Variants in CFAP95 observed in about 807,000 individuals in gnomAD.
CFAP95 encodes cilia and flagella associated protein 95.
At chr9:69,837,061 CAT>C in the CFAP95 span, among the ~76,000 whole-genome samples, 1 of 151,112 alleles carries the variant, frequency 6.6e-6, no homozygotes, top group Non-Finnish European at 1.5e-5. Context: ...GACATGAACT[CAT>C]CATTTTTTAT....
At chr9:69,836,709 TTTTATTTATTTATTTA>T in the CFAP95 span, among the ~76,000 whole-genome samples, 1 of 145,036 alleles carries the variant, frequency 6.9e-6, no homozygotes, top group South Asian at 2.2e-4. Context: ...TTTTTTTACA[TTTTATTTATTTATTTA>T]TTTATTTATT....
the CFAP95 span, among the ~76,000 whole-genome samples, chr9:69,900,392 G>A: frequency 6.6e-6 from 1 of 152,190 alleles, no homozygotes; most frequent in South Asian, 2.1e-4. Flanking sequence ...ATGCCAGAAG[G>A]GAGGAGGAGG....
At chr9:69,857,642 A>C in the CFAP95 span, among the ~76,000 whole-genome samples, 1 of 152,130 alleles carries the variant, frequency 6.6e-6, no homozygotes, top group Non-Finnish European at 1.5e-5. Flanking sequence ...CTCCTGCCTC[A>C]GCCTCCCGAG....
At chr9:69,864,720 T>C in the CFAP95 span, among the ~76,000 whole-genome samples, 2 of 152,296 alleles carry the variant, frequency 1.3e-5, no homozygotes, top group African/African-American at 4.8e-5. Context: ...TCTTCCCTTT[T>C]ATTCCTCTCT....
the CFAP95 span, chr9:69,905,907 T>C: frequency 0.021 from 28,377 of 1,339,774 alleles, 374 homozygotes; most frequent in South Asian, 0.028. Flanking sequence ...TTACTTCTTT[T>C]TACATACTTC....
chr9:69,893,940 A>T, the CFAP95 span, among the ~76,000 whole-genome samples: 3 of 152,302 alleles, frequency 2.0e-5, 1 homozygote, highest in Middle Eastern at 3.4e-3. Flanking sequence ...AAATGAAATG[A>T]GTGAGAGTTT....
the CFAP95 span, among the ~76,000 whole-genome samples, chr9:69,878,237 G>A: frequency 6.6e-6 from 1 of 152,004 alleles, no homozygotes; most frequent in Non-Finnish European, 1.5e-5. Context: ...TAGTTGTACT[G>A]CTCCTTCCCA....
chr9:69,841,532 G>T, the CFAP95 span, among the ~76,000 whole-genome samples: 2 of 152,140 alleles, frequency 1.3e-5, no homozygotes, highest in East Asian at 3.9e-4. Flanking sequence ...GAAGGCCAGA[G>T]AAAAAGCTGA....
the CFAP95 span, among the ~76,000 whole-genome samples, chr9:69,856,920 G>GTTTTTTTTTTTTTTTTTTTTTTTTTT: frequency 7.9e-6 from 1 of 125,938 alleles, no homozygotes. Context: ...CTTTATATGT[G>GTTTTTTTTTTTTTTTTTTTTTTTTTT]TTTTTTTTTT....
the CFAP95 span, among the ~76,000 whole-genome samples, chr9:69,833,536 A>G: frequency 3.9e-5 from 6 of 151,988 alleles, no homozygotes; most frequent in Admixed American, 1.3e-4. Flanking sequence ...AACATTTTCC[A>G]TTGTTTCCGG....
At chr9:69,855,011 C>T in the CFAP95 span, among the ~76,000 whole-genome samples, 6 of 152,298 alleles carry the variant, frequency 3.9e-5, no homozygotes, top group South Asian at 4.1e-4. Context: ...CTTAATGGTT[C>T]CCACACGTTT....
At chr9:69,831,102 G>T in the CFAP95 span, among the ~76,000 whole-genome samples, 1 of 152,020 alleles carries the variant, frequency 6.6e-6, no homozygotes, top group African/African-American at 2.4e-5. Context: ...TTAACAAAGA[G>T]AATTAATTGC....
the CFAP95 span, chr9:69,856,533 T>A: frequency 7.0e-7 from 1 of 1,437,578 alleles, no homozygotes; most frequent in Non-Finnish European, 9.6e-7. Flanking sequence ...ATTTTTCTTA[T>A]ATGTGGCTTC....
chr9:69,901,794 C>T, the CFAP95 span, among the ~76,000 whole-genome samples: 1 of 152,114 alleles, frequency 6.6e-6, no homozygotes, highest in African/African-American at 2.4e-5. Context: ...AACTAGTTTA[C>T]ACTCCCACCA....
At chr9:69,862,103 C>T in the CFAP95 span, among the ~76,000 whole-genome samples, 2 of 152,148 alleles carry the variant, frequency 1.3e-5, no homozygotes, top group Non-Finnish European at 2.9e-5. Flanking sequence ...TAAAGAGAGC[C>T]TAACCTGCAG....
the CFAP95 span, among the ~76,000 whole-genome samples, chr9:69,903,892 A>G: frequency 6.6e-6 from 1 of 151,828 alleles, no homozygotes; most frequent in Non-Finnish European, 1.5e-5. Context: ...ATGCCCAGCT[A>G]ATTTTTTATT....
the CFAP95 span, among the ~76,000 whole-genome samples, chr9:69,842,633 T>G: frequency 5.3e-5 from 8 of 152,210 alleles, no homozygotes; most frequent in Non-Finnish European, 1.0e-4. Flanking sequence ...TGTCCTCATA[T>G]TATACATGTG....
chr9:69,846,730 G>A, the CFAP95 span, among the ~76,000 whole-genome samples: 4 of 152,220 alleles, frequency 2.6e-5, no homozygotes, highest in Non-Finnish European at 5.9e-5. Flanking sequence ...TATAGCAAGA[G>A]GATGGGCAAG....
At chr9:69,884,633 C>T in the CFAP95 span, 2 of 150,110 alleles carry the variant, frequency 1.3e-5, no homozygotes, top group Admixed American at 6.7e-5. Context: ...ACTATAGACA[C>T]ATGCCACCGA....
Sources: allele counts gnomAD v4.1 joint callset (sites outside exome capture counted in the v4.1 genomes callset), GRCh38; gene constraint gnomAD v4.1.1; transcripts MANE v1.5; gene names NCBI Gene and HGNC (gene_info 2026-07-23, HGNC 2026-07-21).